The following PTPRT variants were observed in gnomAD, a reference collection of about 807,000 sequenced individuals.
PTPRT encodes protein tyrosine phosphatase receptor type T, also known as receptor-type tyrosine-protein phosphatase T.
PTPRT carries 56 observed loss-of-function variants against 176.8 expected under a neutral mutation model. The ratio of observed to expected loss-of-function variants is 0.32; its 90% CI spans 0.26 to 0.40. The LOEUF (loss-of-function observed/expected upper bound fraction) is 0.40. Among genes scored for constraint, PTPRT ranks in the 10% least tolerant of loss-of-function variants. PTPRT has a pLI of 1.00. For synonymous variants in PTPRT, 783 were observed against 739.0 expected (o/e 1.06, Z -0.96); for missense variants, 1,540 against 1,908.2 (o/e 0.81, Z 3.60).
intron 2 of PTPRT, among the ~76,000 whole-genome samples, chr20:42,827,990 G>A (rs540340952): frequency 6.6e-6 from 1 of 152,308 alleles, no homozygotes; most frequent in East Asian, 1.9e-4. Flanking sequence ...CAGTAGAGTA[G>A]GGTGCTGCTA....
chr20:42,822,283 C>T (rs983787659), intron 2 of PTPRT, among the ~76,000 whole-genome samples: 38 of 152,116 alleles, frequency 2.5e-4, no homozygotes, highest in African/African-American at 8.4e-4. Flanking sequence ...ACAAACCTGA[C>T]AAAAACAAGC....
rs117343652 is a variant in PTPRT, at chr20:42,213,399, C to T, written c.2343-14011G>A. Among the ~76,000 whole-genome samples, 110 of 152,262 alleles carry T rather than the reference C, an allele frequency of 7.2e-4. No homozygotes were observed. In the East Asian group the frequency reaches 0.02, roughly 28 times the overall value. ...CTTTCCCCTCTCTGTGTATTGATTTCACTATAGTGGGGGAGTTGGCATCTA... is the reference window on the plus strand; with the variant it reads ...CTTTCCCCTCTCTGTGTATTGATTTTACTATAGTGGGGGAGTTGGCATCTA... On this transcript the variant is annotated intron_variant, in intron 15 of 30. Coordinates refer to ENST00000373187, the MANE Select transcript of PTPRT (RefSeq NM_007050.6).
intron 9 of PTPRT, among the ~76,000 whole-genome samples, chr20:42,391,622 G>A (rs1054811732): frequency 1.2e-4 from 19 of 152,090 alleles, no homozygotes; most frequent in African/African-American, 2.7e-4. Context: ...TTGTTTGTTC[G>A]TTTGTTTTTA....
At chr20:42,193,588 C>T (rs1027219390) in intron 16 of PTPRT, among the ~76,000 whole-genome samples, 1 of 152,192 alleles carries the variant, frequency 6.6e-6, no homozygotes, top group Non-Finnish European at 1.5e-5. Flanking sequence ...TTCTCTGAAG[C>T]TCAATTTTCT....
intron 7 of PTPRT, among the ~76,000 whole-genome samples, chr20:42,634,820 C>T (rs531291943): frequency 1.2e-4 from 18 of 152,186 alleles, no homozygotes; most frequent in Admixed American, 3.9e-4. Context: ...GGGAGTTAAA[C>T]ATATTATTTA....
chr20:42,832,601 C>A (rs1355641056), intron 2 of PTPRT, among the ~76,000 whole-genome samples: 1 of 148,750 alleles, frequency 6.7e-6, no homozygotes, highest in Admixed American at 6.7e-5. Flanking sequence ...TTCCAAGAAC[C>A]AAGATAACTA....
At chr20:42,783,068 TC>T (rs2077237573) in intron 3 of PTPRT, among the ~76,000 whole-genome samples, 1 of 152,170 alleles carries the variant, frequency 6.6e-6, no homozygotes, top group Non-Finnish European at 1.5e-5. Flanking sequence ...TGCAAAAAAA[TC>T]ATATACTAGG....
intron 2 of PTPRT, among the ~76,000 whole-genome samples, chr20:42,829,968 C>A (rs539265096): frequency 1.3e-5 from 2 of 152,158 alleles, no homozygotes; most frequent in Non-Finnish European, 2.9e-5. Flanking sequence ...GTCTACCAAT[C>A]AAAACAAGCC....
intron 2 of PTPRT, among the ~76,000 whole-genome samples, chr20:42,851,981 A>G (rs1345317366): frequency 6.6e-6 from 1 of 152,240 alleles, no homozygotes; most frequent in South Asian, 2.1e-4. Context: ...AAGTATTTAC[A>G]TAGACACAAA....
chr20:42,895,160 C>T (rs917806779), intron 1 of PTPRT, among the ~76,000 whole-genome samples: 8 of 152,178 alleles, frequency 5.3e-5, no homozygotes, highest in Non-Finnish European at 1.2e-4. Context: ...TAAAAAAATG[C>T]CACAAACTGT....
At chr20:42,888,804 T>G (rs2079145192) in intron 1 of PTPRT, among the ~76,000 whole-genome samples, 1 of 152,200 alleles carries the variant, frequency 6.6e-6, no homozygotes, top group South Asian at 2.1e-4. Flanking sequence ...TTGACAGATA[T>G]GATCCTTACC....
chr20:42,423,165 CT>C (rs765981466), intron 9 of PTPRT, among the ~76,000 whole-genome samples: 14 of 125,972 alleles, frequency 1.1e-4, no homozygotes, highest in Admixed American at 3.8e-4. Context: ...ACTTGTACCC[CT>C]GACCTTAAAA....
At chr20:42,428,176 A>G (rs542201490) in intron 9 of PTPRT, among the ~76,000 whole-genome samples, 11 of 152,318 alleles carry the variant, frequency 7.2e-5, no homozygotes, top group African/African-American at 2.4e-4. Context: ...GGCCACCCCC[A>G]GGCATAAATG....
chr20:43,123,473 T>TC (rs1207762285), intron 1 of PTPRT, among the ~76,000 whole-genome samples: 2 of 151,942 alleles, frequency 1.3e-5, no homozygotes, highest in African/African-American at 2.4e-5. Context: ...TTCCAGGGAG[T>TC]CCTCTTAAAA....
chr20:42,560,249 T>C (rs756544626), intron 7 of PTPRT, among the ~76,000 whole-genome samples: 19 of 152,144 alleles, frequency 1.2e-4, no homozygotes, highest in Non-Finnish European at 2.6e-4. Context: ...ATTCAGCCAA[T>C]AGGAGGTACA....
At chr20:43,091,505 CT>C (rs2011863252) in intron 1 of PTPRT, among the ~76,000 whole-genome samples, 4 of 149,550 alleles carry the variant, frequency 2.7e-5, no homozygotes, top group African/African-American at 5.0e-5. Flanking sequence ...CTCTCTCTCT[CT>C]CTCCCCCCTC....
intron 7 of PTPRT, among the ~76,000 whole-genome samples, chr20:42,654,128 G>A (rs2075081255): frequency 6.6e-6 from 1 of 152,098 alleles, no homozygotes; most frequent in African/African-American, 2.4e-5. Flanking sequence ...GGATGTTAGA[G>A]GCCATGGAAA....
chr20:42,065,195 C>A, the PTPRT span, among the ~76,000 whole-genome samples: 2 of 152,228 alleles, frequency 1.3e-5, no homozygotes, highest in Admixed American at 1.3e-4. Flanking sequence ...TTCAGAATTC[C>A]TGACCCACAA....
intron 6 of PTPRT, among the ~76,000 whole-genome samples, chr20:42,735,414 T>C (rs948789450): frequency 2.4e-5 from 3 of 127,304 alleles, no homozygotes; most frequent in African/African-American, 8.0e-5. Context: ...TAAACCCAGA[T>C]TGCCTTACTC....
Sources: allele counts gnomAD v4.1 joint callset (sites outside exome capture counted in the v4.1 genomes callset), GRCh38; gene constraint gnomAD v4.1.1; transcripts MANE v1.5; gene names NCBI Gene and HGNC (gene_info 2026-07-23, HGNC 2026-07-21).